The following HSF4 variants were observed in gnomAD, a reference collection of about 807,000 sequenced individuals.
HSF4 encodes heat shock factor protein 4.
In HSF4, 41 loss-of-function variants were observed where a neutral mutation model predicts 52.0. The ratio of observed to expected loss-of-function variants is 0.79; its 90% CI spans 0.61 to 1.02. The LOEUF (loss-of-function observed/expected upper bound fraction) is 1.02. HSF4 is among the 50% of genes least tolerant of loss of function. The pLI is 0.00. For synonymous variants in HSF4, 285 were observed against 273.0 expected, an observed-to-expected ratio of 1.04 and a Z score of -0.43; for missense variants, 610 against 651.1, an observed-to-expected ratio of 0.94 and a Z score of 0.69.
chr16:67,165,837 G>A lies in HSF4; in HGVS notation c.351G>A (p.Val117=), dbSNP rs770401824. The A allele has an allele frequency of 3.7e-6, 6 of 1,604,550 alleles. No homozygotes were observed. In the South Asian group the frequency reaches 6.6e-5, roughly 18 times the overall value. Residue 117 remains valine (V), a synonymous_variant, in exon 3 of 13, where the codon GTG becomes GTA. Coordinates refer to ENST00000521374, the MANE Select transcript of HSF4 (RefSeq NM_001374675.1). This position sits in a 1 kb window ranked among gnomAD's most constrained non-coding sequence, Gnocchi z 6.9. ...VRGREQLLER[V]RRKVPALRGD... Reference sequence around the variant, plus strand: ...GCCGCGAGCAGCTACTGGAGCGCGTGCGGCGCAAGGTGGGGGCGGCCTGCG... The same window carrying A: ...GCCGCGAGCAGCTACTGGAGCGCGTACGGCGCAAGGTGGGGGCGGCCTGCG...
At position 67,166,025 on chromosome 16, in the gene HSF4, G is replaced by A. The variant is rs1183247771; in HGVS notation, c.440G>A (p.Arg147Gln). 13 of 1,535,314 alleles carry A rather than the reference G, an allele frequency of 8.5e-6. No individual in the cohort carries two copies. Among genetic ancestry groups the A allele is most frequent in the South Asian group, 1.2e-5 (1 of 84,142 alleles). Residue 147 changes from arginine (R) to glutamine (Q), a missense_variant, in exon 4 of 13, where the codon CGG becomes CAG. Arg to Gln is a conservative substitution (Grantham distance 43, BLOSUM62 1). Coordinates refer to ENST00000521374, the MANE Select transcript of HSF4 (RefSeq NM_001374675.1). ...CTACTGGGCGAGGTGCAGGCTTTGC[G>A]GGGAGTGCAGGAGAGCACCGAGGCG... ...GRLLGEVQAL[R>Q]GVQESTEARL...
rs1334864040 is a variant in HSF4, at chr16:67,169,922, C to A, written c.*137C>A. On this transcript the variant is annotated 3_prime_UTR_variant, in exon 13 of 13. Coordinates refer to ENST00000521374, the MANE Select transcript of HSF4 (RefSeq NM_001374675.1). The surrounding 1 kb of genome is among the most constrained non-coding windows in gnomAD (Gnocchi z 4.3). ...CTCCACTACCCCGACTATCCCTGCA[C>A]ATAAACTCCGTTTTTTTTTTTTCTG... is the stretch of plus-strand genomic sequence containing the variant. 2.4e-6 allele frequency: 2 copies of A among 827,554 alleles called. No homozygotes were observed. The highest frequency in any genetic ancestry group is 3.9e-6 in the Non-Finnish European group (2 of 514,974). The allele number at this position is 827,554 out of a possible 1,614,324, so 51.3% of individuals were successfully genotyped here. A position where few individuals can be genotyped will look rare whatever the true frequency, so the allele number is the denominator to read the frequency against.
Position 67,169,648 on chromosome 16 carries a change from G to C in HSF4, c.1342G>C (p.Gly448Arg). ...SPSPGKDPTL[G>R]APLLLDVQAA... ...TCTCCTAGGGAAGGACCCCACGCTC[G>C]GGGCCCCACTCCTGCTGGATGTCCA... Residue 448 changes from glycine to arginine, a missense_variant, in exon 13 of 13, where the codon GGG becomes CGG. Gly to Arg is a moderately radical substitution (Grantham distance 125, BLOSUM62 -2). Transcript: ENST00000521374. The surrounding 1 kb of genome is among the most constrained non-coding windows in gnomAD (Gnocchi z 4.3). The C allele has an allele frequency of 6.2e-7, 1 of 1,609,574 alleles. No individual in the cohort carries two copies. The highest frequency in any genetic ancestry group is 8.5e-7 in the Non-Finnish European group (1 of 1,179,960).
chr16:67,168,046 T>G, intron 9 of HSF4, 99 bp downstream of exon 9: 1 of 1,002,172 alleles, frequency 1.0e-6, no homozygotes, highest in Non-Finnish European at 1.5e-6. Context: ...ACTCACCTGA[T>G]TTCTTGGCCC....
In HSF4 at chr16:67,164,762, C is replaced by T. The variant is rs753215034; in HGVS notation, c.-50C>T. The T allele has an allele frequency of 1.5e-5, 23 of 1,552,790 alleles. No individual in the cohort carries two copies. The highest frequency in any genetic ancestry group is 2.3e-4 in the Middle Eastern group (1 of 4,396). On this transcript the variant is annotated 5_prime_UTR_variant, in exon 1 of 13. The change creates a new upstream start codon in the 5' untranslated region. Transcript: ENST00000521374. The stretch of plus-strand genomic sequence containing the variant: ...AACGCAGCACTTTCCGCGGCTTTGA[C>T]GAGCCCGCAGCGGCCGGGCCCGAGC...
upstream of HSF4, chr16:67,164,161 C>T: frequency 1.7e-6 from 1 of 591,188 alleles, no homozygotes; most frequent in South Asian, 1.6e-5. Flanking sequence ...GTGAAATAAA[C>T]AAATCCTGCA....
In HSF4 at chr16:67,168,839, TG is replaced by T; in HGVS notation, c.1094del (p.Gly365AlafsTer31). 13 of 1,613,714 alleles carry T rather than the reference TG, an allele frequency of 8.1e-6. No homozygotes were observed. The highest frequency in any genetic ancestry group is 1.1e-5 in the Non-Finnish European group (13 of 1,179,960). On this transcript the variant is annotated frameshift_variant, in exon 10 of 13. Coordinates refer to ENST00000521374, the MANE Select transcript of HSF4 (RefSeq NM_001374675.1). LOFTEE classifies it high-confidence loss of function. ...CAGTTCTGTCTGCACAGGGGGCCTC[TG>T]GGCCTGGAAAGCGGGGACAGGAGCC... is the stretch of plus-strand genomic sequence containing the variant. ...DPREIPDRGP[L>X]GLESGDRSPE...
Position 67,165,353 on chromosome 16 carries a change from C to A in HSF4, c.124-169C>A. On this transcript the variant is annotated intron_variant, in intron 1 of 12. Coordinates refer to ENST00000521374, the MANE Select transcript of HSF4 (RefSeq NM_001374675.1). This position sits in a 1 kb window ranked among gnomAD's most constrained non-coding sequence, Gnocchi z 6.9. The stretch of plus-strand genomic sequence containing the variant: ...ACTGTGGTCGCTCCAGGCTAGGCCT[C>A]GGAGCCCGTTCTGGCCTGGCCTCGA... 1 of 666,168 alleles carries A rather than the reference C, an allele frequency of 1.5e-6. No homozygotes were observed. The highest frequency in any genetic ancestry group is 2.6e-6 in the Non-Finnish European group (1 of 379,380). The allele number at this position is 666,168 out of a possible 1,614,324, so 41.3% of individuals were successfully genotyped here. A position where few individuals can be genotyped will look rare whatever the true frequency, so the allele number is the denominator to read the frequency against.
chr16:67,169,385 G>C lies in HSF4; in HGVS notation c.1324+37G>C. The C allele has an allele frequency of 3.7e-6, 6 of 1,601,634 alleles. No homozygotes were observed. Among genetic ancestry groups the C allele is most frequent in the Non-Finnish European group, 5.1e-6 (6 of 1,173,850 alleles). On this transcript the variant is annotated intron_variant, in intron 12 of 12. Coordinates refer to ENST00000521374, the MANE Select transcript of HSF4 (RefSeq NM_001374675.1). The surrounding 1 kb of genome is among the most constrained non-coding windows in gnomAD (Gnocchi z 4.3). ...GATGACTCCTACCTGGGAGGACGCC[G>C]TGATTGGGCTGAGCTACCTTGATTG... is the stretch of plus-strand genomic sequence containing the variant.
chr16:67,166,224 G>A, intron 4 of HSF4, 96 bp from the exon 5 acceptor site: 3 of 1,400,302 alleles, frequency 2.1e-6, no homozygotes, highest in African/African-American at 2.8e-5. Flanking sequence ...GCCAGTCAGC[G>A]GGGTGGTCTC....
In HSF4 at chr16:67,165,777, C is replaced by G; in HGVS notation, c.291C>G (p.Asp97Glu). The G allele has an allele frequency of 6.2e-7, 1 of 1,610,340 alleles. No homozygotes were observed. Among genetic ancestry groups the G allele is most frequent in the South Asian group, 1.1e-5 (1 of 91,048 alleles). ...EQGGLLRPER[D>E]HVEFQHPSFV... ...GCGGCCTGCTTAGGCCGGAGCGCGA[C>G]CACGTCGAGTTCCAGCACCCGAGCT... Residue 97 changes from aspartate (D) to glutamate (E), a missense_variant, in exon 3 of 13, where the codon GAC (aspartate) becomes GAG (glutamate). By Grantham distance (45) the Asp-to-Glu change is conservative. Transcript: ENST00000521374. This position sits in a 1 kb window ranked among gnomAD's most constrained non-coding sequence, Gnocchi z 6.9.
rs1341925789 is a variant in HSF4 at position 67,164,953 on chromosome 16, C to G, written c.123+19C>G. The G allele has an allele frequency of 1.3e-6, 2 of 1,590,180 alleles. No homozygotes were observed. The highest frequency in any genetic ancestry group is 8.5e-7 in the Non-Finnish European group (1 of 1,172,148). On this transcript the variant is annotated intron_variant, in intron 1 of 12. Coordinates refer to ENST00000521374, the MANE Select transcript of HSF4 (RefSeq NM_001374675.1). The stretch of plus-strand genomic sequence containing the variant: ...GAGCCCGGTGAGGGCCGGGGCCCCT[C>G]GATTCCCCCTGTGGTCCCGGGGTCC...
Position 67,169,551 on chromosome 16 carries a change from G to A in HSF4, c.1325-80G>A. 6.3e-7 allele frequency: 1 copy of A among 1,598,620 alleles called. No individual in the cohort carries two copies. Among genetic ancestry groups the A allele is most frequent in the South Asian group, 1.1e-5 (1 of 90,946 alleles). On this transcript the variant is annotated intron_variant, in intron 12 of 12. Transcript: ENST00000521374. The surrounding 1 kb of genome is among the most constrained non-coding windows in gnomAD (Gnocchi z 4.3). ...GATGTTTTATCCTAACTGAGCAGAAGGCAGGCGGGCAGGGCTCTCCTTCCC... is the reference window on the plus strand; with the variant it reads ...GATGTTTTATCCTAACTGAGCAGAAAGCAGGCGGGCAGGGCTCTCCTTCCC...
chr16:67,164,743 G>A (rs2031110954), upstream of HSF4: 5 of 1,514,072 alleles, frequency 3.3e-6, no homozygotes, highest in South Asian at 2.5e-5. Flanking sequence ...GGCAAACGCA[G>A]CACTTTCCGC....
At chr16:67,166,702 G>A in intron 6 of HSF4, 80 bp downstream of exon 6, 1 of 1,306,990 alleles carries the variant, frequency 7.7e-7, no homozygotes, top group Non-Finnish European at 1.1e-6. Flanking sequence ...CTTCTCCTCT[G>A]GAAACTCCTT....
Position 67,169,935 on chromosome 16 carries a change from T to TG in HSF4, c.*150_*151insG. On this transcript the variant is annotated 3_prime_UTR_variant, in exon 13 of 13. Transcript: ENST00000521374. This position sits in a 1 kb window ranked among gnomAD's most constrained non-coding sequence, Gnocchi z 4.3. ...ACTATCCCTGCACATAAACTCCGTTTTTTTTTTTTCTGTTTCTGGTCTCTT... is the reference window on the plus strand; with the variant it reads ...ACTATCCCTGCACATAAACTCCGTTTGTTTTTTTTTCTGTTTCTGGTCTCTT... 1 of 765,222 alleles carries TG rather than the reference T, an allele frequency of 1.3e-6. No individual in the cohort carries two copies. The highest frequency in any genetic ancestry group is 1.8e-5 in the African/African-American group (1 of 56,686). The allele number at this position is 765,222 out of a possible 1,614,324, so 47.4% of individuals were successfully genotyped here. A position where few individuals can be genotyped will look rare whatever the true frequency, so the allele number is the denominator to read the frequency against.
In HSF4 at chr16:67,168,888, G is replaced by A. The variant is rs372820428; in HGVS notation, c.1140G>A (p.Met380Ile). The change falls in exon 10 of 13, where the codon ATG becomes ATA. Residue 380 changes from methionine to isoleucine, a missense_variant. Coordinates refer to ENST00000521374, the MANE Select transcript of HSF4 (RefSeq NM_001374675.1). ...GCCCAGAGAGTCTGCTGCCTCCGATGCTGCTTCAGCCCCCTCAAGAAAGTG... is the reference window on the plus strand; with the variant it reads ...GCCCAGAGAGTCTGCTGCCTCCGATACTGCTTCAGCCCCCTCAAGAAAGTG... ...DRSPESLLPP[M>I]LLQPPQESVE... 131 of 1,613,976 alleles carry A rather than the reference G, an allele frequency of 8.1e-5. No homozygotes were observed. The highest frequency in any genetic ancestry group is 1.1e-4 in the Non-Finnish European group (127 of 1,180,056).
intron 9 of HSF4, 88 bp downstream of exon 9, chr16:67,168,035 TACTC>T: frequency 9.4e-7 from 1 of 1,065,254 alleles, no homozygotes; most frequent in Non-Finnish European, 1.4e-6. Context: ...GACTCCATGA[TACTC>T]ACCTGATTTC....
At position 67,169,782 on chromosome 16, in the gene HSF4, C is replaced by T. The variant is rs367756178; in HGVS notation, c.1476C>T (p.Pro492=). The part of the protein sequence containing the change: ...SYLGPEASPS[P] ...TGGGCCCGGAAGCCAGTCCCTCCCCCTAAGACCCCGCGCCTCTGAAGGGGC... is the reference window on the plus strand; with the variant it reads ...TGGGCCCGGAAGCCAGTCCCTCCCCTTAAGACCCCGCGCCTCTGAAGGGGC... The change falls in exon 13 of 13, where the codon CCC becomes CCT. Residue 492 remains proline (P), a synonymous_variant. Coordinates refer to ENST00000521374, the MANE Select transcript of HSF4 (RefSeq NM_001374675.1). The surrounding 1 kb of genome is among the most constrained non-coding windows in gnomAD (Gnocchi z 4.3). 13 of 1,613,040 alleles carry T rather than the reference C, an allele frequency of 8.1e-6. No homozygotes were observed. The highest frequency in any genetic ancestry group is 1.7e-5 in the Admixed American group (1 of 60,006).
Sources: allele counts gnomAD v4.1 joint callset, GRCh38; gene constraint gnomAD v4.1.1; non-coding constraint Gnocchi (gnomAD v3.1); transcripts MANE v1.5; gene names NCBI Gene and HGNC (gene_info 2026-07-23, HGNC 2026-07-21).